The following LAMB4 variants were observed in gnomAD, a reference collection of about 807,000 sequenced individuals.
The protein encoded by LAMB4 is laminin subunit beta-4.
Under a neutral mutation model 199.2 loss-of-function variants are expected in LAMB4, and 196 were observed. The observed-to-expected ratio is 0.98, with a 90% confidence interval of 0.88 to 1.11. The LOEUF is 1.11. Ranked by LOEUF, LAMB4 falls within the 50% of genes least tolerant of loss-of-function variation. LAMB4 has a pLI of 0.00. For missense variants in LAMB4, 2,080 were observed against 2,171.2 expected (o/e 0.96, Z 0.83); for synonymous variants, 744 against 770.6 (o/e 0.97, Z 0.57).
intron 3 of LAMB4, among the ~76,000 whole-genome samples, chr7:108,114,780 A>G (rs563709287): frequency 6.6e-6 from 1 of 152,294 alleles, no homozygotes; most frequent in South Asian, 2.1e-4. Context: ...TATGGGGTGG[A>G]CGTGATTACC....
At chr7:108,126,554 C>CTTTCTT (rs1554453974) in intron 1 of LAMB4, among the ~76,000 whole-genome samples, 9 of 83,534 alleles carry the variant, frequency 1.1e-4, no homozygotes, top group Admixed American at 4.1e-4. Context: ...GAATTTCTTT[C>CTTTCTT]TTTTTTTTTT....
At chr7:108,088,282 C>T (rs560306290) in intron 14 of LAMB4, among the ~76,000 whole-genome samples, 1 of 152,214 alleles carries the variant, frequency 6.6e-6, no homozygotes, top group Non-Finnish European at 1.5e-5. Flanking sequence ...TGTGTCTCAG[C>T]CTCCCAAGTA....
intron 26 of LAMB4, among the ~76,000 whole-genome samples, chr7:108,050,319 C>T (rs568361276): frequency 1.3e-5 from 2 of 152,304 alleles, no homozygotes; most frequent in South Asian, 4.1e-4. Context: ...GTGTGAAATG[C>T]ACATTAGTAT....
chr7:108,082,037 T>A (rs2036962827), intron 14 of LAMB4, among the ~76,000 whole-genome samples: 1 of 151,810 alleles, frequency 6.6e-6, no homozygotes, highest in Non-Finnish European at 1.5e-5. Context: ...ATTGTAAGAG[T>A]TGCAGAACTT....
At chr7:108,034,040 T>A (rs1169527708) in intron 31 of LAMB4, among the ~76,000 whole-genome samples, 168 bp downstream of exon 31, 1 of 152,122 alleles carries the variant, frequency 6.6e-6, no homozygotes, top group East Asian at 1.9e-4. Context: ...CGGTGAGACG[T>A]GCTCTGTAGA....
the LAMB4 span, among the ~76,000 whole-genome samples, chr7:108,014,427 CA>C: frequency 6.7e-6 from 1 of 148,428 alleles, no homozygotes; most frequent in East Asian, 1.9e-4. Context: ...ATGTTCCAAT[CA>C]AAATATGTTT....
intron 28 of LAMB4, among the ~76,000 whole-genome samples, chr7:108,046,863 T>C (rs1319660684): frequency 1.3e-5 from 2 of 151,842 alleles, no homozygotes; most frequent in African/African-American, 4.8e-5. Flanking sequence ...AATTATTCTT[T>C]GCTTTGAGAG....
intron 14 of LAMB4, among the ~76,000 whole-genome samples, chr7:108,084,890 C>T (rs1163350868): frequency 6.7e-6 from 1 of 148,604 alleles, no homozygotes. Context: ...ACCACCAGCA[C>T]ACATCATCAC....
At chr7:108,012,602 T>C in the LAMB4 span, among the ~76,000 whole-genome samples, 2 of 152,236 alleles carry the variant, frequency 1.3e-5, no homozygotes, top group African/African-American at 2.4e-5. Context: ...ACTAATGAAT[T>C]TACTGAATGA....
intron 19 of LAMB4, among the ~76,000 whole-genome samples, 171 bp downstream of exon 19, chr7:108,067,841 GATGA>G (rs1190099910): frequency 6.6e-6 from 1 of 152,186 alleles, no homozygotes; most frequent in Non-Finnish European, 1.5e-5. Context: ...TTGATGAATG[GATGA>G]ATGAAGTGTA....
chr7:108,130,153 T>C (rs2038928568), intron 1 of LAMB4, among the ~76,000 whole-genome samples, 153 bp downstream of exon 1: 1 of 152,244 alleles, frequency 6.6e-6, no homozygotes, highest in South Asian at 2.1e-4. Flanking sequence ...TTAAGTGTCA[T>C]TGGACTATCA....
intron 27 of LAMB4, 81 bp downstream of exon 27, chr7:108,049,245 A>G (rs1276678971): frequency 8.3e-6 from 4 of 484,556 alleles, no homozygotes; most frequent in African/African-American, 8.1e-5. Context: ...TTAAAATGTA[A>G]GCTAGGGAAA....
At position 108,099,909 on chromosome 7, in the gene LAMB4, T is replaced by C. The variant is rs73197610; in HGVS notation, c.1181-1327A>G. Among the ~76,000 whole-genome samples the C allele has an allele frequency of 8.1e-3, 1,229 of 152,344 alleles. 10 individuals are homozygous for C. Among genetic ancestry groups the C allele is most frequent in the Non-Finnish European group, 9.6e-3 (651 of 68,034 alleles). ...TGTTATTGTTTTGTGACTGGTGACTTACTATGAAAAAATAGCATTGAGTTC... is the reference window on the plus strand; with the variant it reads ...TGTTATTGTTTTGTGACTGGTGACTCACTATGAAAAAATAGCATTGAGTTC... On this transcript the variant is annotated intron_variant, in intron 10 of 33. Coordinates refer to ENST00000388781, the MANE Select transcript of LAMB4 (RefSeq NM_007356.3).
chr7:108,022,668 C>T (rs2034716903), downstream of LAMB4, among the ~76,000 whole-genome samples: 1 of 152,070 alleles, frequency 6.6e-6, no homozygotes, highest in Non-Finnish European at 1.5e-5. Flanking sequence ...TGGGGTGGTC[C>T]TTCCTGTAGA....
intron 10 of LAMB4, among the ~76,000 whole-genome samples, chr7:108,101,345 G>A (rs2037808510): frequency 6.6e-6 from 1 of 152,120 alleles, no homozygotes; most frequent in Non-Finnish European, 1.5e-5. Flanking sequence ...GCTTCCACTT[G>A]CTATAAAGCA....
intron 30 of LAMB4, among the ~76,000 whole-genome samples, chr7:108,036,061 T>A (rs1475791380): frequency 6.6e-6 from 1 of 152,084 alleles, no homozygotes. Context: ...TTTCACCATG[T>A]TGGCCAGGCT....
Position 108,079,761 on chromosome 7 carries a change from G to T in LAMB4, c.1727C>A (p.Pro576His). 6.2e-7 allele frequency: 1 copy of T among 1,602,602 alleles called. No homozygotes were observed. Among genetic ancestry groups the T allele is most frequent in the Non-Finnish European group, 8.5e-7 (1 of 1,175,854 alleles). ...PLGSETFGQS[P>H]AVHVVLGEPV... is the part of the protein sequence containing the mutation. ...CTCTCCTAAAACAACGTGAACAGCA[G>T]GACTCTGGCCAAACGTCTCCGAGCC... Residue 576 changes from proline to histidine, a missense_variant, in exon 15 of 34, where the codon CCT (proline) becomes CAT (histidine). Physicochemically the swap from Pro to His is moderately conservative, Grantham distance 77. Transcript: ENST00000388781.
chr7:108,076,797 A>G, intron 17 of LAMB4, 147 bp downstream of exon 17: 1 of 808,092 alleles, frequency 1.2e-6, no homozygotes, highest in Admixed American at 2.3e-5. Context: ...ATACTGTTAA[A>G]TAAGATTTGC....
At chr7:108,128,838 T>C (rs1343556888) in intron 1 of LAMB4, among the ~76,000 whole-genome samples, 1 of 152,206 alleles carries the variant, frequency 6.6e-6, no homozygotes, top group East Asian at 1.9e-4. Flanking sequence ...TCTTGTTAAA[T>C]TCATCAGTGA....
Sources: allele counts gnomAD v4.1 joint callset (sites outside exome capture counted in the v4.1 genomes callset), GRCh38; gene constraint gnomAD v4.1.1; transcripts MANE v1.5; gene names NCBI Gene and HGNC (gene_info 2026-07-23, HGNC 2026-07-21).